Variants in PDE1C observed in about 807,000 individuals in gnomAD.
The protein encoded by PDE1C is dual specificity calcium/calmodulin-dependent 3',5'-cyclic nucleotide phosphodiesterase 1C.
Under a neutral mutation model 93.1 loss-of-function variants are expected in PDE1C, and 62 were observed. That is an observed-to-expected ratio of 0.67 (90% CI 0.54 to 0.82). The LOEUF is 0.82. Ranked by LOEUF, PDE1C falls within the 40% of genes least tolerant of loss-of-function variation. PDE1C has a pLI of 0.00. For missense variants in PDE1C, 742 were observed against 884.6 expected (o/e 0.84, Z 2.04); for synonymous variants, 325 against 310.1 (o/e 1.05, Z -0.50).
At chr7:31,971,668 A>C (rs571251111) in intron 2 of PDE1C, among the ~76,000 whole-genome samples, 21 of 152,328 alleles carry the variant, frequency 1.4e-4, no homozygotes, top group African/African-American at 5.0e-4. Context: ...GAGCTTCCTC[A>C]TAGGCAGGCT....
chr7:32,300,011 G>A (rs1043801503), upstream of PDE1C, among the ~76,000 whole-genome samples: 3 of 152,080 alleles, frequency 2.0e-5, no homozygotes, highest in African/African-American at 7.2e-5. Context: ...GAATCAACCA[G>A]GTATATTCTT....
At chr7:32,310,646 A>G (rs1327626654) in intron 1 of PDE1C, among the ~76,000 whole-genome samples, 4 of 152,186 alleles carry the variant, frequency 2.6e-5, no homozygotes, top group Admixed American at 2.6e-4. Context: ...CTGCTCCTGA[A>G]TGACTACTGG....
At chr7:32,318,727 T>C (rs1783223566) in intron 1 of PDE1C, among the ~76,000 whole-genome samples, 1 of 152,018 alleles carries the variant, frequency 6.6e-6, no homozygotes, top group Admixed American at 6.6e-5. Flanking sequence ...CACGACAGAG[T>C]TGGTCACGAG....
chr7:32,381,645 C>T (rs1034327686), intron 1 of PDE1C, among the ~76,000 whole-genome samples: 1 of 152,150 alleles, frequency 6.6e-6, no homozygotes, highest in African/African-American at 2.4e-5. Context: ...CACATGGTTC[C>T]GTCCATTATC....
At chr7:32,423,370 CT>C (rs1171848891) in intron 1 of PDE1C, among the ~76,000 whole-genome samples, 2 of 152,006 alleles carry the variant, frequency 1.3e-5, no homozygotes, top group Non-Finnish European at 2.9e-5. Flanking sequence ...CAGTGAGACC[CT>C]GTATCAAAAA....
At position 32,043,169 on chromosome 7, in the gene PDE1C, AAAAGCATCAATAGTGCCATGGTT is replaced by A. The variant is rs1254744004; in HGVS notation, c.128+8362_128+8384del. ...CAATGCACAGGACAGCCCCTACAGC[AAAAGCATCAATAGTGCCATGGTT>A]AAGAAATGCTCACCTACTCCATTGG... On this transcript the variant is annotated intron_variant, in intron 2 of 17. Transcript: ENST00000396191. 2.0e-4 allele frequency among the ~76,000 whole-genome samples: 31 copies of A among 152,278 alleles called. No individual in the cohort carries two copies. In the East Asian group the frequency reaches 5.8e-3, roughly 28 times the overall value.
intron 12 of PDE1C, among the ~76,000 whole-genome samples, chr7:31,825,578 A>G (rs1208287538): frequency 1.3e-5 from 2 of 152,170 alleles, no homozygotes; most frequent in East Asian, 3.9e-4. Context: ...CCGCATTGTC[A>G]TAAGAGTTTT....
intron 7 of PDE1C, among the ~76,000 whole-genome samples, chr7:31,858,461 GA>G (rs1419220821): frequency 6.6e-6 from 1 of 151,958 alleles, no homozygotes; most frequent in African/African-American, 2.4e-5. Context: ...TACGGGAAGT[GA>G]AAAAAAGCAG....
intron 2 of PDE1C, among the ~76,000 whole-genome samples, chr7:32,197,582 C>T (rs907514897): frequency 1.3e-5 from 2 of 152,130 alleles, no homozygotes; most frequent in Admixed American, 6.5e-5. Context: ...AAAAATAAAA[C>T]GTATATCCAT....
At chr7:31,998,228 C>T (rs557901936) in intron 2 of PDE1C, among the ~76,000 whole-genome samples, 1 of 151,994 alleles carries the variant, frequency 6.6e-6, no homozygotes, top group Non-Finnish European at 1.5e-5. Context: ...ACCATGTTAG[C>T]CAGGATGGTC....
intron 1 of PDE1C, among the ~76,000 whole-genome samples, chr7:32,400,276 A>G (rs1035699060): frequency 1.1e-4 from 16 of 152,224 alleles, no homozygotes; most frequent in Non-Finnish European, 2.1e-4. Context: ...GCATGAATGG[A>G]CAAATGAAGA....
chr7:31,861,732 T>G (rs1794721077), intron 7 of PDE1C, among the ~76,000 whole-genome samples: 1 of 152,136 alleles, frequency 6.6e-6, no homozygotes, highest in African/African-American at 2.4e-5. Flanking sequence ...TAGTCCAAAC[T>G]ATCAGCATCT....
intron 1 of PDE1C, among the ~76,000 whole-genome samples, chr7:32,385,322 C>T (rs956843172): frequency 2.0e-5 from 3 of 152,176 alleles, no homozygotes; most frequent in African/African-American, 7.2e-5. Context: ...TATCTGGGAG[C>T]CTTAGGCAGG....
At chr7:32,129,819 A>G (rs1799819041) in intron 3 of PDE1C, among the ~76,000 whole-genome samples, 1 of 152,112 alleles carries the variant, frequency 6.6e-6, no homozygotes, top group Non-Finnish European at 1.5e-5. Context: ...TCTTCTACTG[A>G]GTTAGGACAG....
At chr7:31,913,378 G>T (rs1326868389) in intron 2 of PDE1C, among the ~76,000 whole-genome samples, 1 of 151,812 alleles carries the variant, frequency 6.6e-6, no homozygotes, top group Non-Finnish European at 1.5e-5. Flanking sequence ...GTTATGTCTG[G>T]CTCCATTCTA....
At chr7:31,754,691 A>T (rs1368773875) in intron 17 of PDE1C, among the ~76,000 whole-genome samples, 2 of 152,226 alleles carry the variant, frequency 1.3e-5, no homozygotes, top group African/African-American at 2.4e-5. Flanking sequence ...CAAAGGACAT[A>T]ACTATAGAGA....
At chr7:31,903,856 A>C (rs1438409465) in intron 2 of PDE1C, among the ~76,000 whole-genome samples, 1 of 152,124 alleles carries the variant, frequency 6.6e-6, no homozygotes, top group African/African-American at 2.4e-5. Flanking sequence ...TACATTTGCA[A>C]CTTTAGTCAA....
chr7:31,652,432 A>G, the PDE1C span: 1 of 1,486,652 alleles, frequency 6.7e-7, no homozygotes, highest in South Asian at 1.4e-5. Flanking sequence ...CGACCACCTC[A>G]TAATGCCTAG....
intron 3 of PDE1C, among the ~76,000 whole-genome samples, chr7:32,080,843 T>C (rs2128736137): frequency 6.6e-6 from 1 of 152,266 alleles, no homozygotes; most frequent in Middle Eastern, 3.4e-3. Flanking sequence ...TAACAGATTC[T>C]TGCTAATAAA....
Sources: gnomAD v4.1 joint callset for allele counts (sites outside exome capture counted in the v4.1 genomes callset) on GRCh38, gnomAD v4.1.1 for gene constraint, MANE v1.5 for transcripts, NCBI Gene and HGNC (gene_info 2026-07-23, HGNC 2026-07-21) for gene names.